Variants in CDKN2AIP observed in about 807,000 individuals in gnomAD.
CDKN2AIP encodes CDKN2A-interacting protein.
Under a neutral mutation model 44.1 loss-of-function variants are expected in CDKN2AIP, and 12 were observed. The observed-to-expected ratio is 0.27, with a 90% CI of 0.17 to 0.44. The LOEUF (loss-of-function observed/expected upper bound fraction) is 0.44. Ranked by LOEUF, CDKN2AIP falls within the 20% of genes least tolerant of loss-of-function variation. CDKN2AIP has a pLI of 1.00. For missense variants in CDKN2AIP, 705 were observed against 681.6 expected (o/e 1.03, Z -0.38); for synonymous variants, 291 against 272.1 (o/e 1.07, Z -0.68).
chr4:183,445,349 T>C (rs751088108), intron 1 of CDKN2AIP, 186 bp from the exon 2 acceptor site: 7 of 622,706 alleles, frequency 1.1e-5, no homozygotes, highest in Admixed American at 6.0e-5. Flanking sequence ...GATTTAAGAT[T>C]AGTGAGGAGG....
At position 183,447,448 on chromosome 4, in the gene CDKN2AIP, A is replaced by G. The variant is rs777520867; in HGVS notation, c.*21A>G. 17 of 1,474,714 alleles carry G rather than the reference A, an allele frequency of 1.2e-5. No homozygotes were observed. The highest frequency in any genetic ancestry group is 2.5e-5 in the Admixed American group (1 of 40,406). The allele number at this position is 1,474,714 out of a possible 1,614,324, so 91.4% of individuals were successfully genotyped here. ...TATAATGTGTCCAAAATATCACTGCATACAATATCTGGTATTTGAAGAGAA... is the reference window on the plus strand; with the variant it reads ...TATAATGTGTCCAAAATATCACTGCGTACAATATCTGGTATTTGAAGAGAA... On this transcript the variant is annotated 3_prime_UTR_variant, in exon 3 of 3. Coordinates refer to ENST00000504169, the MANE Select transcript of CDKN2AIP (RefSeq NM_017632.4).
At position 183,446,393 on chromosome 4, in the gene CDKN2AIP, G is replaced by C; in HGVS notation, c.709G>C (p.Asp237His). 6.4e-7 allele frequency: 1 copy of C among 1,571,808 alleles called. No homozygotes were observed. Among genetic ancestry groups the C allele is most frequent in the Non-Finnish European group, 8.7e-7 (1 of 1,150,298 alleles). ...GAAAGCTTCTGAAGCAGAAGCTCCA[G>C]ATAAACACGGTTCTGCATCATTTGT... is the stretch of plus-strand genomic sequence containing the variant. ...SGKASEAEAPDKHGSASFVSL... is the reference protein window; with the variant it reads ...SGKASEAEAPHKHGSASFVSL... The change falls in exon 3 of 3, where the codon GAT becomes CAT. Residue 237 changes from aspartate (D) to histidine (H), a missense_variant. Asp to His is a moderately conservative substitution (Grantham distance 81, BLOSUM62 -1). This residue lies in a region of CDKN2AIP where 592 missense variants were observed against 518.0 expected (regional missense o/e 1.14). Coordinates refer to ENST00000504169, the MANE Select transcript of CDKN2AIP (RefSeq NM_017632.4).
At chr4:183,445,144 G>C in intron 1 of CDKN2AIP, 75 bp downstream of exon 1, 1 of 1,493,560 alleles carries the variant, frequency 6.7e-7, no homozygotes, top group Non-Finnish European at 9.0e-7. Context: ...GGCGCCCTCC[G>C]CGGGACCGGC....
In CDKN2AIP at chr4:183,446,776, C is replaced by T; in HGVS notation, c.1092C>T (p.Ser364=). Residue 364 remains serine (S), a synonymous_variant, in exon 3 of 3, where the codon TCC becomes TCT. Coordinates refer to ENST00000504169, the MANE Select transcript of CDKN2AIP (RefSeq NM_017632.4). ...CGCTGCTAACTTCCAAGAGCACTTC[C>T]CAGGTAGCTGCATCACTACTAGCTT... The part of the protein sequence containing the change: ...NTSLLTSKST[S]QVAASLLASK... 1 of 1,614,154 alleles carries T rather than the reference C, an allele frequency of 6.2e-7. No homozygotes were observed. The highest frequency in any genetic ancestry group is 1.7e-5 in the Admixed American group (1 of 60,034).
In CDKN2AIP at chr4:183,446,437, T is replaced by C. The variant is rs916334668; in HGVS notation, c.753T>C (p.Ser251=). The C allele has an allele frequency of 1.2e-6, 2 of 1,613,834 alleles. No homozygotes were observed. The highest frequency in any genetic ancestry group is 8.5e-7 in the Non-Finnish European group (1 of 1,179,686). ...SASFVSLLKS[S]VNSHMTQSTD... ...CATTTGTTTCCTTGCTGAAATCCAG[T>C]GTGAATAGTCACATGACCCAATCCA... is the stretch of plus-strand genomic sequence containing the variant. The change falls in exon 3 of 3, where the codon AGT becomes AGC. Residue 251 remains serine, a synonymous_variant. Transcript: ENST00000504169.
In CDKN2AIP at chr4:183,446,298, A is replaced by G. The variant is rs771934109; in HGVS notation, c.614A>G (p.Asp205Gly). ...GISSQNSSTS[D>G]GDRSVSSQSS... is the part of the protein sequence containing the mutation. ...TCCAGTCAGAATAGCTCTACAAGTGATGGAGATCGATCTGTTTCCAGCCAA... is the reference window on the plus strand; with the variant it reads ...TCCAGTCAGAATAGCTCTACAAGTGGTGGAGATCGATCTGTTTCCAGCCAA... The change falls in exon 3 of 3, where the codon GAT becomes GGT. Residue 205 changes from aspartate to glycine, a missense_variant. Transcript: ENST00000504169. 6.2e-7 allele frequency: 1 copy of G among 1,614,122 alleles called. No individual in the cohort carries two copies. Among genetic ancestry groups the G allele is most frequent in the Non-Finnish European group, 8.5e-7 (1 of 1,179,946 alleles).
Position 183,445,529 on chromosome 4 carries a change from T to C in CDKN2AIP, c.273-6T>C. 6.2e-7 allele frequency: 1 copy of C among 1,609,432 alleles called. No homozygotes were observed. Among genetic ancestry groups the C allele is most frequent in the Non-Finnish European group, 8.5e-7 (1 of 1,176,360 alleles). On this transcript the variant is annotated splice_polypyrimidine_tract_variant and splice_region_variant and intron_variant, in intron 1 of 2. Coordinates refer to ENST00000504169, the MANE Select transcript of CDKN2AIP (RefSeq NM_017632.4). ...TTTTTAAAAATGACTTTTCCTTCTT[T>C]TTCAGATACCCTCAAAAAGTTATGG... is the stretch of plus-strand genomic sequence containing the variant.
At chr4:183,445,372 C>T in intron 1 of CDKN2AIP, 163 bp from the exon 2 acceptor site, 1 of 645,942 alleles carries the variant, frequency 1.5e-6, no homozygotes, top group Non-Finnish European at 2.7e-6. Flanking sequence ...CCCTGCCTCC[C>T]AGACCCTGGG....
In CDKN2AIP at chr4:183,446,231, A is replaced by G. The variant is rs758829615; in HGVS notation, c.547A>G (p.Ile183Val). ...CAGTTCAACGTGTATAGGGTCGGCC[A>G]TCAAATCAGAGAGTGGGAACTCAGC... ...ENSSTCIGSA[I>V]KSESGNSARS... The change falls in exon 3 of 3, where the codon ATC becomes GTC. Residue 183 changes from isoleucine (I) to valine (V), a missense_variant. This residue lies in a region of CDKN2AIP where 592 missense variants were observed against 518.0 expected (regional missense o/e 1.14). Coordinates refer to ENST00000504169, the MANE Select transcript of CDKN2AIP (RefSeq NM_017632.4). The G allele has an allele frequency of 6.2e-7, 1 of 1,614,218 alleles. No individual in the cohort carries two copies. The highest frequency in any genetic ancestry group is 1.3e-5 in the African/African-American group (1 of 75,070).
At position 183,446,468 on chromosome 4, in the gene CDKN2AIP, T is replaced by A. The variant is rs768667094; in HGVS notation, c.784T>A (p.Ser262Thr). 5.0e-6 allele frequency: 8 copies of A among 1,614,026 alleles called. No homozygotes were observed. In the South Asian group the frequency reaches 5.5e-5, roughly 11 times the overall value. ...VNSHMTQSTD[S>T]RQQSGSPKKS... ...TAGTCACATGACCCAATCCACTGATTCTAGACAACAAAGTGGATCACCTAA... is the reference window on the plus strand; with the variant it reads ...TAGTCACATGACCCAATCCACTGATACTAGACAACAAAGTGGATCACCTAA... The change falls in exon 3 of 3, where the codon TCT becomes ACT. Residue 262 changes from serine to threonine, a missense_variant. Coordinates refer to ENST00000504169, the MANE Select transcript of CDKN2AIP (RefSeq NM_017632.4).
Position 183,446,643 on chromosome 4 carries a change from C to T in CDKN2AIP, c.959C>T (p.Thr320Ile). 1.2e-6 allele frequency: 2 copies of T among 1,614,114 alleles called. No individual in the cohort carries two copies. The highest frequency in any genetic ancestry group is 2.2e-5 in the East Asian group (1 of 44,878). ...PSSETASSGL[T>I]SKTSSEASVS... ...TCAGAGACAGCTTCAAGTGGGTTAA[C>T]TTCCAAAACTAGTTCAGAGGCAAGT... The change falls in exon 3 of 3, where the codon ACT (threonine) becomes ATT (isoleucine). Residue 320 changes from threonine to isoleucine, a missense_variant. By Grantham distance (89) the Thr-to-Ile change is moderately conservative. Around this residue, in one of 2 missense-constraint regions of CDKN2AIP, gnomAD observed 592 missense variants for 518.0 expected, o/e 1.14. Coordinates refer to ENST00000504169, the MANE Select transcript of CDKN2AIP (RefSeq NM_017632.4).
rs899892479 is a variant in CDKN2AIP at position 183,446,295 on chromosome 4, G to A, written c.611G>A (p.Ser204Asn). Residue 204 changes from serine to asparagine, a missense_variant, in exon 3 of 3, where the codon AGT becomes AAT. Physicochemically the swap from Ser to Asn is conservative, Grantham distance 46. Around this residue, in one of 2 missense-constraint regions of CDKN2AIP, gnomAD observed 592 missense variants for 518.0 expected, o/e 1.14. Transcript: ENST00000504169. ...ATCTCCAGTCAGAATAGCTCTACAAGTGATGGAGATCGATCTGTTTCCAGC... is the reference window on the plus strand; with the variant it reads ...ATCTCCAGTCAGAATAGCTCTACAAATGATGGAGATCGATCTGTTTCCAGC... ...SGISSQNSSTSDGDRSVSSQS... is the reference protein window; with the variant it reads ...SGISSQNSSTNDGDRSVSSQS... The A allele has an allele frequency of 6.2e-7, 1 of 1,614,146 alleles. No individual in the cohort carries two copies. Among genetic ancestry groups the A allele is most frequent in the Non-Finnish European group, 8.5e-7 (1 of 1,179,970 alleles).
rs751708633 is a variant in CDKN2AIP, at chr4:183,446,928, C to T, written c.1244C>T (p.Ser415Leu). 2 of 1,614,194 alleles carry T rather than the reference C, an allele frequency of 1.2e-6. No individual in the cohort carries two copies. The highest frequency in any genetic ancestry group is 1.7e-6 in the Non-Finnish European group (2 of 1,180,018). Residue 415 changes from serine (S) to leucine (L), a missense_variant, in exon 3 of 3, where the codon TCA (serine) becomes TTA (leucine). Ser to Leu is a moderately radical substitution (Grantham distance 145, BLOSUM62 -2). Transcript: ENST00000504169. ...STSQLPSKST[S>L]QSSESSVKFS... Reference sequence around the variant, plus strand: ...TCACAGTTGCCTTCTAAAAGTACTTCACAGTCAAGTGAGAGTTCTGTCAAA... The same window carrying T: ...TCACAGTTGCCTTCTAAAAGTACTTTACAGTCAAGTGAGAGTTCTGTCAAA...
At chr4:183,445,445 C>A in intron 1 of CDKN2AIP, 90 bp from the exon 2 acceptor site, 1 of 1,007,928 alleles carries the variant, frequency 9.9e-7, no homozygotes, top group Non-Finnish European at 1.5e-6. Flanking sequence ...TTGATTGCAG[C>A]CAGGAAATGC....
Position 183,444,703 on chromosome 4 carries a change from A to G in CDKN2AIP, c.-95A>G. On this transcript the variant is annotated 5_prime_UTR_variant, in exon 1 of 3. Coordinates refer to ENST00000504169, the MANE Select transcript of CDKN2AIP (RefSeq NM_017632.4). The stretch of plus-strand genomic sequence containing the variant: ...AGGCCTGCGGAGGGGCGTTATCTGG[A>G]GGGCCGCGGGTGCAGGCCGCAGTGA... 7.7e-7 allele frequency: 1 copy of G among 1,291,586 alleles called. No homozygotes were observed. Among genetic ancestry groups the G allele is most frequent in the South Asian group, 1.6e-5 (1 of 63,716 alleles). 80.0% of individuals were successfully genotyped at this position (1,291,586 alleles called of 1,614,324 possible).
Position 183,448,251 on chromosome 4 carries a change from T to A in CDKN2AIP, c.*824T>A, listed in dbSNP as rs1239435697. ...CCAATTCCTGCAAATAGGCTTCCCATGACTTGTCATTATAAATTAGACAAC... is the reference window on the plus strand; with the variant it reads ...CCAATTCCTGCAAATAGGCTTCCCAAGACTTGTCATTATAAATTAGACAAC... On this transcript the variant is annotated 3_prime_UTR_variant, in exon 3 of 3. Transcript: ENST00000504169. The A allele has an allele frequency of 1.3e-5, 2 of 152,180 alleles. No individual in the cohort carries two copies. Among genetic ancestry groups the A allele is most frequent in the Middle Eastern group, 3.2e-3 (1 of 316 alleles). The allele number at this position is 152,180 out of a possible 1,614,324, so 9.4% of individuals were successfully genotyped here.
In CDKN2AIP at chr4:183,446,313, T is replaced by C; in HGVS notation, c.629T>C (p.Val210Ala). The C allele has an allele frequency of 3.1e-6, 5 of 1,614,170 alleles. No individual in the cohort carries two copies. The highest frequency in any genetic ancestry group is 4.2e-6 in the Non-Finnish European group (5 of 1,180,026). The change falls in exon 3 of 3, where the codon GTT (valine) becomes GCT (alanine). Residue 210 changes from valine to alanine, a missense_variant. Coordinates refer to ENST00000504169, the MANE Select transcript of CDKN2AIP (RefSeq NM_017632.4). ...TCTACAAGTGATGGAGATCGATCTG[T>C]TTCCAGCCAAAGCAGCAGCAGCGTT... is the stretch of plus-strand genomic sequence containing the variant. The part of the protein sequence containing the change: ...NSSTSDGDRS[V>A]SSQSSSSVSS...
Position 183,444,732 on chromosome 4 carries a change from G to A in CDKN2AIP, c.-66G>A. 1.4e-6 allele frequency: 2 copies of A among 1,442,402 alleles called. No individual in the cohort carries two copies. Among genetic ancestry groups the A allele is most frequent in the Non-Finnish European group, 1.8e-6 (2 of 1,090,482 alleles). 89.4% of individuals were successfully genotyped at this position (1,442,402 alleles called of 1,614,324 possible). On this transcript the variant is annotated 5_prime_UTR_variant, in exon 1 of 3. Transcript: ENST00000504169. ...CCGCGGGTGCAGGCCGCAGTGACAG[G>A]GCCGCTCGCCCCGCTAGTCCTGCCT...
At position 183,448,200 on chromosome 4, in the gene CDKN2AIP, TTG is replaced by T. The variant is rs1336498963; in HGVS notation, c.*777_*778del. ...TAAGCTATTTTACCTTTTCAAGAAG[TTG>T]TGTTTTTTTTCTCCAAGTCAGAACC... is the stretch of plus-strand genomic sequence containing the variant. On this transcript the variant is annotated 3_prime_UTR_variant, in exon 3 of 3. Coordinates refer to ENST00000504169, the MANE Select transcript of CDKN2AIP (RefSeq NM_017632.4). The T allele has an allele frequency of 3.3e-5, 5 of 152,200 alleles. No individual in the cohort carries two copies. The highest frequency in any genetic ancestry group is 1.2e-4 in the African/African-American group (5 of 41,462). The allele number at this position is 152,200 out of a possible 1,614,324, so 9.4% of individuals were successfully genotyped here. A position where few individuals can be genotyped will look rare whatever the true frequency, so the allele number is the denominator to read the frequency against.
Sources: gnomAD v4.1 joint callset for allele counts on GRCh38, gnomAD v4.1.1 for gene constraint, gnomAD v4.1.1 regional missense constraint, MANE v1.5 for transcripts, NCBI Gene and HGNC (gene_info 2026-07-23, HGNC 2026-07-21) for gene names.